The following MDGA2 variants were observed in gnomAD, a reference collection of about 807,000 sequenced individuals.
MDGA2 encodes MAM domain-containing glycosylphosphatidylinositol anchor protein 2.
MDGA2 carries 40 observed loss-of-function variants against 117.8 expected under a neutral mutation model. The observed-to-expected ratio is 0.34, with a 90% CI of 0.26 to 0.44. MDGA2 has a LOEUF of 0.44. Ranked by LOEUF, MDGA2 falls within the 20% of genes least tolerant of loss-of-function variation. MDGA2 has a pLI of 1.00. For missense variants in MDGA2, 1,123 were observed against 1,250.6 expected (o/e 0.90, Z 1.54); for synonymous variants, 452 against 439.0 (o/e 1.03, Z -0.37).
chr14:46,870,878 C>T (rs1430610930), intron 14 of MDGA2: 1 of 151,586 alleles, frequency 6.6e-6, no homozygotes, highest in African/African-American at 2.4e-5. Context: ...TAAAGTAAAG[C>T]CCTAAAATCT....
intron 1 of MDGA2, among the ~76,000 whole-genome samples, chr14:47,514,600 T>C (rs904689557): frequency 1.3e-5 from 2 of 152,096 alleles, no homozygotes; most frequent in Non-Finnish European, 2.9e-5. Context: ...CCATTATATC[T>C]CATGCCTTGC....
chr14:47,344,897 G>C (rs1242798055), intron 1 of MDGA2, among the ~76,000 whole-genome samples: 1 of 150,974 alleles, frequency 6.6e-6, no homozygotes, highest in African/African-American at 2.4e-5. Flanking sequence ...GTGTGTTTAT[G>C]ACATACACAA....
Position 47,245,085 on chromosome 14 carries a change from A to AC in MDGA2, c.421-26891_421-26890insG, listed in dbSNP as rs553719825. 3.2e-4 allele frequency among the ~76,000 whole-genome samples: 49 copies of AC among 151,836 alleles called. 1 individual carries two copies. The South Asian group carries it at 6.9e-3, about 21-fold the overall frequency. ...GTCACCCAGGCTGGAGTGCAGTGGC[A>AC]AAACATGGCTCACTGCAGCCTTGAC... On this transcript the variant is annotated intron_variant, in intron 2 of 16. Transcript: ENST00000399232.
chr14:47,180,481 A>G (rs189662420), intron 3 of MDGA2, among the ~76,000 whole-genome samples: 3 of 152,190 alleles, frequency 2.0e-5, no homozygotes, highest in African/African-American at 4.8e-5. Flanking sequence ...AGCATCTATA[A>G]GGAACCTAAA....
At chr14:47,391,562 T>C (rs921129241) in intron 1 of MDGA2, among the ~76,000 whole-genome samples, 2 of 152,160 alleles carry the variant, frequency 1.3e-5, no homozygotes, top group Admixed American at 1.3e-4. Flanking sequence ...GACATCTGTT[T>C]AAATTGTATT....
At chr14:47,410,262 G>T (rs974633049) in intron 1 of MDGA2, among the ~76,000 whole-genome samples, 1 of 152,084 alleles carries the variant, frequency 6.6e-6, no homozygotes, top group Non-Finnish European at 1.5e-5. Flanking sequence ...TACTTAAGAG[G>T]ATGATAAAAT....
chr14:46,953,867 T>G (rs1049808252), intron 9 of MDGA2, among the ~76,000 whole-genome samples: 14 of 152,072 alleles, frequency 9.2e-5, no homozygotes, highest in Non-Finnish European at 1.6e-4. Flanking sequence ...TGCATTTTGC[T>G]GCAGATTGCC....
At chr14:47,384,831 A>G (rs1174070302) in intron 1 of MDGA2, among the ~76,000 whole-genome samples, 1 of 152,192 alleles carries the variant, frequency 6.6e-6, no homozygotes, top group African/African-American at 2.4e-5. Context: ...GGCCCAGATG[A>G]ACAGAACACT....
chr14:47,085,618 C>CTT (rs200319028), intron 6 of MDGA2, among the ~76,000 whole-genome samples: 1 of 146,766 alleles, frequency 6.8e-6, no homozygotes. Context: ...TAAATCAAGT[C>CTT]TTTTTTTTTT....
intron 1 of MDGA2, among the ~76,000 whole-genome samples, chr14:47,629,271 C>T (rs1445276563): frequency 6.6e-6 from 1 of 152,204 alleles, no homozygotes; most frequent in Non-Finnish European, 1.5e-5. Context: ...ATTCTTACAA[C>T]AGCATTATAT....
At chr14:46,939,919 A>G (rs1884933814) in intron 9 of MDGA2, among the ~76,000 whole-genome samples, 2 of 152,200 alleles carry the variant, frequency 1.3e-5, no homozygotes, top group African/African-American at 4.8e-5. Context: ...CCTTGCTGAA[A>G]GCATGACTGA....
intron 3 of MDGA2, among the ~76,000 whole-genome samples, chr14:47,198,470 G>T (rs973668755): frequency 3.3e-5 from 5 of 152,160 alleles, no homozygotes; most frequent in African/African-American, 9.7e-5. Context: ...TACTCGGGAG[G>T]CTGAGGCAGG....
At chr14:47,444,756 T>C (rs578039712) in intron 1 of MDGA2, among the ~76,000 whole-genome samples, 3 of 152,196 alleles carry the variant, frequency 2.0e-5, no homozygotes, top group Non-Finnish European at 2.9e-5. Flanking sequence ...TTAGATGTAA[T>C]GGTCACTAAG....
rs1021087757 is a variant in MDGA2 at position 47,511,929 on chromosome 14, T to TTG, written c.280+162586_280+162587dup. ...GTCTACCGCTCAAAGAAACAGGGGT[T>TTG]TGTGTGTGTGTGTATTTAATGTTAA... On this transcript the variant is annotated intron_variant, in intron 1 of 16. Transcript: ENST00000399232. Among the ~76,000 whole-genome samples, 225 of 152,090 alleles carry TTG rather than the reference T, an allele frequency of 1.5e-3. 1 individual carries two copies. Among genetic ancestry groups the TTG allele is most frequent in the African/African-American group, 4.6e-3 (192 of 41,522 alleles).
chr14:47,264,052 C>G (rs1887884869), intron 2 of MDGA2, among the ~76,000 whole-genome samples: 1 of 152,074 alleles, frequency 6.6e-6, no homozygotes, highest in Non-Finnish European at 1.5e-5. Context: ...TTCTCGAACC[C>G]ATGAAGAAAG....
intron 10 of MDGA2, among the ~76,000 whole-genome samples, chr14:46,914,269 G>C (rs1595040904): frequency 6.6e-6 from 1 of 152,118 alleles, no homozygotes; most frequent in South Asian, 2.1e-4. Flanking sequence ...CAAATAATTG[G>C]AGGTTAATAG....
At chr14:46,959,117 GCCT>G (rs1182656160) in intron 8 of MDGA2, among the ~76,000 whole-genome samples, 2 of 151,996 alleles carry the variant, frequency 1.3e-5, no homozygotes, top group African/African-American at 4.8e-5. Flanking sequence ...TTGTAGTTCT[GCCT>G]CCTTTTTGCT....
chr14:47,171,857 G>A (rs757782584), intron 3 of MDGA2, among the ~76,000 whole-genome samples: 3 of 152,198 alleles, frequency 2.0e-5, no homozygotes, highest in Non-Finnish European at 4.4e-5. Context: ...GCCTTACTCA[G>A]GAAGCACAAG....
intron 8 of MDGA2, among the ~76,000 whole-genome samples, chr14:47,013,949 C>T (rs1225310838): frequency 2.0e-5 from 3 of 151,174 alleles, no homozygotes; most frequent in Non-Finnish European, 2.9e-5. Context: ...GCCTGCACCA[C>T]CACGCCTAGC....
Sources: allele counts gnomAD v4.1 joint callset (sites outside exome capture counted in the v4.1 genomes callset), GRCh38; gene constraint gnomAD v4.1.1; transcripts MANE v1.5; gene names NCBI Gene and HGNC (gene_info 2026-07-23, HGNC 2026-07-21).